CENPP: variants seen among roughly 807,000 people sequenced by gnomAD.
CENPP encodes the protein centromere protein P.
In CENPP, 24 loss-of-function variants were observed where a neutral mutation model predicts 35.6. That is an observed-to-expected ratio of 0.67 (90% confidence interval 0.49 to 0.95). The LOEUF (loss-of-function observed/expected upper bound fraction) is 0.95, where lower values mean the gene tolerates loss of function less well. CENPP is among the 40% of genes least tolerant of loss of function. CENPP has a pLI of 0.00. For synonymous variants in CENPP, 120 were observed against 125.5 expected (o/e 0.96, Z 0.29); for missense variants, 332 against 345.3 (o/e 0.96, Z 0.31).
intron 5 of CENPP, among the ~76,000 whole-genome samples, chr9:92,383,557 G>C (rs1330855869): frequency 6.6e-6 from 1 of 151,908 alleles, no homozygotes; most frequent in East Asian, 1.9e-4. Context: ...ATATAATGGA[G>C]ACAGCATATT....
At chr9:92,510,350 G>C (rs969606884) in intron 5 of CENPP, among the ~76,000 whole-genome samples, 6 of 152,210 alleles carry the variant, frequency 3.9e-5, no homozygotes, top group African/African-American at 1.4e-4. Flanking sequence ...CTAGATCTTA[G>C]GTTTCCACCT....
Position 92,352,425 on chromosome 9 carries a change from A to G in CENPP, c.467+6638A>G, listed in dbSNP as rs1190344945. Among the ~76,000 whole-genome samples the G allele has an allele frequency of 3.5e-5, 5 of 144,890 alleles. No homozygotes were observed. In the East Asian group the frequency reaches 8.0e-4, roughly 23 times the overall value. On this transcript the variant is annotated intron_variant, in intron 4 of 7. Coordinates refer to ENST00000375587, the MANE Select transcript of CENPP (RefSeq NM_001012267.3). ...ATAGTTCTGTGAATCTGTCCCATTG[A>G]GAGAAGACAGGGCCTTTTCTCTCAA...
rs764565345 is a variant in CENPP, at chr9:92,612,550, A to G, written c.672A>G (p.Ile224Met). 2.5e-6 allele frequency: 4 copies of G among 1,613,882 alleles called. No homozygotes were observed. Among genetic ancestry groups the G allele is most frequent in the Admixed American group, 1.7e-5 (1 of 59,998 alleles). Residue 224 changes from isoleucine (I) to methionine (M), a missense_variant, in exon 7 of 8, where the codon ATA becomes ATG. Physicochemically the swap from Ile to Met is conservative, Grantham distance 10 (BLOSUM62 1). Coordinates refer to ENST00000375587, the MANE Select transcript of CENPP (RefSeq NM_001012267.3). Reference sequence around the variant, plus strand: ...TTGAATTAGTCATTGTTTGGAGGATACAAATAGATGAAGATGGGAAGGTTT... The same window carrying G: ...TTGAATTAGTCATTGTTTGGAGGATGCAAATAGATGAAGATGGGAAGGTTT... ...PGFELVIVWR[I>M]QIDEDGKVFP... is the part of the protein sequence containing the mutation.
In CENPP at chr9:92,543,471, CAAAAAAAAAAAAAA is replaced by C. The variant is rs71362401; in HGVS notation, c.565-67827_565-67814del. Among the ~76,000 whole-genome samples the C allele has an allele frequency of 2.2e-4, 10 of 44,538 alleles. No individual in the cohort carries two copies. The East Asian group carries it at 8.8e-3, about 39-fold the overall frequency. The allele number at this position is 44,538 out of a possible 152,430, so 29.2% of individuals were successfully genotyped here. The stretch of plus-strand genomic sequence containing the variant: ...TGGGTGACAGAGTGAAACCCTGTCT[CAAAAAAAAAAAAAA>C]AAAAAAAAAAAAAAAGATTGCATTA... On this transcript the variant is annotated intron_variant, in intron 5 of 7. Coordinates refer to ENST00000375587, the MANE Select transcript of CENPP (RefSeq NM_001012267.3).
rs78337959 is a variant in CENPP at position 92,440,042 on chromosome 9, A to C, written c.564+60183A>C. Among the ~76,000 whole-genome samples, 706 of 152,338 alleles carry C rather than the reference A, an allele frequency of 4.6e-3. 4 individuals carry two copies. Among genetic ancestry groups the C allele is most frequent in the African/African-American group, 0.015 (615 of 41,572 alleles). Reference sequence around the variant, plus strand: ...TCCAGAAAGAAATAATTCATGTTTCAAATTACATGCTATTTTGAGTAGCCT... The same window carrying C: ...TCCAGAAAGAAATAATTCATGTTTCCAATTACATGCTATTTTGAGTAGCCT... On this transcript the variant is annotated intron_variant, in intron 5 of 7. Transcript: ENST00000375587.
chr9:92,491,365 G>A (rs990889522), intron 5 of CENPP, among the ~76,000 whole-genome samples: 3 of 152,128 alleles, frequency 2.0e-5, no homozygotes, highest in African/African-American at 7.2e-5. Flanking sequence ...AGTTCATCCT[G>A]TGCTTGGAAG....
At chr9:92,522,963 T>C in intron 5 of CENPP, 5 of 1,400,872 alleles carry the variant, frequency 3.6e-6, no homozygotes, top group Non-Finnish European at 4.7e-6. Flanking sequence ...CTTATATATT[T>C]GCTTGTATGC....
At chr9:92,533,095 G>A (rs994204230) in intron 5 of CENPP, among the ~76,000 whole-genome samples, 5 of 151,198 alleles carry the variant, frequency 3.3e-5, no homozygotes, top group Non-Finnish European at 7.4e-5. Flanking sequence ...TCAGGAGTTT[G>A]AGACCAGCCT....
chr9:92,466,683 T>A, intron 5 of CENPP: 1 of 960,760 alleles, frequency 1.0e-6, no homozygotes, highest in Non-Finnish European at 1.6e-6. Flanking sequence ...AGTGGTGTAC[T>A]AGATCACCCA....
At chr9:92,394,428 T>C (rs2130907218) in intron 5 of CENPP, among the ~76,000 whole-genome samples, 1 of 148,434 alleles carries the variant, frequency 6.7e-6, no homozygotes, top group Non-Finnish European at 1.5e-5. Flanking sequence ...TTTTTTTGAA[T>C]TTTTAGTATA....
chr9:92,485,020 G>A (rs1846022014), intron 5 of CENPP, among the ~76,000 whole-genome samples: 1 of 152,318 alleles, frequency 6.6e-6, no homozygotes, highest in South Asian at 2.1e-4. Flanking sequence ...TGCAGATAAT[G>A]TGGTAAAGGT....
intron 5 of CENPP, among the ~76,000 whole-genome samples, chr9:92,447,928 T>C (rs1180401715): frequency 6.6e-6 from 1 of 152,212 alleles, no homozygotes; most frequent in Non-Finnish European, 1.5e-5. Context: ...TTAAGTTTGC[T>C]TCTGAAAGGT....
In CENPP at chr9:92,593,492, A is replaced by G. The variant is rs893906648; in HGVS notation, c.565-17822A>G. On this transcript the variant is annotated intron_variant, in intron 5 of 7. Coordinates refer to ENST00000375587, the MANE Select transcript of CENPP (RefSeq NM_001012267.3). The surrounding 1 kb of genome is among the most constrained non-coding windows in gnomAD (Gnocchi z 4.1). ...TTCTGCCCTCATTTCCCCTAATTCA[A>G]GAGCTATTCTATGTTGAAATATGAA... is the stretch of plus-strand genomic sequence containing the variant. Among the ~76,000 whole-genome samples the G allele has an allele frequency of 1.5e-4, 23 of 152,362 alleles. 1 individual carries two copies. The highest frequency in any genetic ancestry group is 1.2e-3 in the Admixed American group (19 of 15,302).
intron 5 of CENPP, among the ~76,000 whole-genome samples, chr9:92,488,528 A>G (rs1396526381): frequency 1.3e-5 from 2 of 152,186 alleles, no homozygotes; most frequent in Non-Finnish European, 2.9e-5. Context: ...AGCTTTCACC[A>G]TATTTTCTAA....
chr9:92,361,713 C>T (rs1170961867), intron 4 of CENPP, among the ~76,000 whole-genome samples: 1 of 151,960 alleles, frequency 6.6e-6, no homozygotes, highest in Non-Finnish European at 1.5e-5. Flanking sequence ...AACTCCTGAC[C>T]TCAAGTGATC....
At chr9:92,371,467 T>G (rs1273041742) in intron 4 of CENPP, among the ~76,000 whole-genome samples, 1 of 152,204 alleles carries the variant, frequency 6.6e-6, no homozygotes, top group Non-Finnish European at 1.5e-5. Flanking sequence ...CAGTGTGTTC[T>G]GAGAAGACAC....
intron 5 of CENPP, among the ~76,000 whole-genome samples, chr9:92,540,343 C>T (rs2131307530): frequency 6.6e-6 from 1 of 150,570 alleles, no homozygotes; most frequent in South Asian, 2.1e-4. Context: ...GAGGCTGAGG[C>T]AGGAGAATCC....
intron 5 of CENPP, among the ~76,000 whole-genome samples, chr9:92,416,070 ATTTATTTATT>A (rs1292685826): frequency 4.6e-5 from 6 of 131,314 alleles, no homozygotes; most frequent in Admixed American, 1.6e-4. Flanking sequence ...ATATATATAT[ATTTATTTATT>A]TATTTATTTA....
chr9:92,390,706 C>T (rs760692370), intron 5 of CENPP, among the ~76,000 whole-genome samples: 60 of 152,298 alleles, frequency 3.9e-4, no homozygotes, highest in Non-Finnish European at 7.8e-4. Context: ...TTTGTAAATA[C>T]TGAACCATTA....
Sources: gnomAD v4.1 joint callset for allele counts (sites outside exome capture counted in the v4.1 genomes callset) on GRCh38, gnomAD v4.1.1 for gene constraint, Gnocchi (gnomAD v3.1) non-coding constraint, MANE v1.5 for transcripts, NCBI Gene and HGNC (gene_info 2026-07-23, HGNC 2026-07-21) for gene names.